Variants in NHSL2 observed in about 807,000 individuals in gnomAD.
NHSL2 encodes the protein NHS-like protein 2.
In NHSL2, 27 loss-of-function variants were observed where a neutral mutation model predicts 53.4. The observed-to-expected ratio is 0.51, with a 90% CI of 0.37 to 0.70. The LOEUF is 0.70. Among genes scored for constraint, NHSL2 ranks in the 30% least tolerant of loss-of-function variants. NHSL2 has a pLI of 0.00. For missense variants in NHSL2, 892 were observed against 980.1 expected, an observed-to-expected ratio of 0.91 and a Z score of 1.20; for synonymous variants, 408 against 404.1, an observed-to-expected ratio of 1.01 and a Z score of -0.12.
At chrX:71,996,076 C>T (rs944735194) in intron 1 of NHSL2, among the ~76,000 whole-genome samples, 1 of 112,327 alleles carries the variant, frequency 8.9e-6, no homozygotes, top group African/African-American at 3.2e-5. Context: ...CAAGTCCCTT[C>T]CCCTCACTGT....
At chrX:71,976,710 C>G (rs756176026) in intron 1 of NHSL2, among the ~76,000 whole-genome samples, 1 of 112,326 alleles carries the variant, frequency 8.9e-6, no homozygotes, top group Non-Finnish European at 1.9e-5. Flanking sequence ...CCCAAGGCCT[C>G]CCGACCTGGA....
chrX:72,152,029 C>G lies in NHSL2; in HGVS notation c.*8455C>G, dbSNP rs1042210582. The G allele has an allele frequency of 8.9e-6, 1 of 112,876 alleles. No homozygotes were observed. The highest frequency in any genetic ancestry group is 3.2e-5 in the African/African-American group (1 of 31,075). The allele number at this position is 112,876 out of a possible 1,213,427, so 9.3% of individuals were successfully genotyped here. A position where few individuals can be genotyped will look rare whatever the true frequency, so the allele number is the denominator to read the frequency against. On this transcript the variant is annotated 3_prime_UTR_variant, in exon 8 of 8. Transcript: ENST00000633930. ...ACAGTTTTTCCCTGCCTTCTGGACCCTCAGCCCCTGGGATGGGCTCCTTGG... is the reference window on the plus strand; with the variant it reads ...ACAGTTTTTCCCTGCCTTCTGGACCGTCAGCCCCTGGGATGGGCTCCTTGG...
At chrX:72,076,235 A>C (rs1426120264) in intron 1 of NHSL2, among the ~76,000 whole-genome samples, 1 of 111,522 alleles carries the variant, frequency 9.0e-6, no homozygotes, top group Non-Finnish European at 1.9e-5. Context: ...GCCCAGCCGA[A>C]CACAGTGTAT....
At chrX:72,028,843 T>C (rs1185612388) in intron 1 of NHSL2, among the ~76,000 whole-genome samples, 1 of 112,502 alleles carries the variant, frequency 8.9e-6, no homozygotes, top group African/African-American at 3.2e-5. Context: ...TTGGACATTG[T>C]CGGTAGAGCT....
Position 72,139,108 on chromosome X carries a change from G to A in NHSL2, c.1560G>A (p.Glu520=), listed in dbSNP as rs141830886. 3.4e-6 allele frequency: 4 copies of A among 1,168,975 alleles called. No individual in the cohort carries two copies. Among genetic ancestry groups the A allele is most frequent in the African/African-American group, 3.6e-5 (2 of 56,053 alleles). ...ATGATGAGGAGCAGAAGGCCAATGA[G>A]GCCTGTGCCCTGCCTTTTGCCAGTA... The part of the protein sequence containing the change: ...VDYDEEQKAN[E]ACALPFASTS... The change falls in exon 6 of 8, where the codon GAG becomes GAA. Residue 520 remains glutamate (E), a synonymous_variant. Transcript: ENST00000633930.
At chrX:72,130,480 C>T (rs774516982) in intron 1 of NHSL2, 2 of 1,210,964 alleles carry the variant, frequency 1.7e-6, no homozygotes, top group Non-Finnish European at 2.2e-6. Context: ...AAGCCTGTGC[C>T]TGCGTGCCTC....
chrX:72,139,333 C>A lies in NHSL2; in HGVS notation c.1785C>A (p.Asp595Glu). ...LPEGGSALPK[D>E]QRPKSLCLSL... ...AAGGTGGGTCAGCACTACCCAAGGA[C>A]CAGAGGCCCAAGAGCCTTTGCCTCT... is the stretch of plus-strand genomic sequence containing the variant. The change falls in exon 6 of 8, where the codon GAC becomes GAA. Residue 595 changes from aspartate to glutamate, a missense_variant. Physicochemically the swap from Asp to Glu is conservative, Grantham distance 45. Coordinates refer to ENST00000633930, the MANE Select transcript of NHSL2 (RefSeq NM_001013627.3). 1 of 1,209,776 alleles carries A rather than the reference C, an allele frequency of 8.3e-7. No individual in the cohort carries two copies. Among genetic ancestry groups the A allele is most frequent in the Non-Finnish European group, 1.1e-6 (1 of 894,119 alleles).
intron 1 of NHSL2, among the ~76,000 whole-genome samples, chrX:72,107,692 G>A (rs1352055142): frequency 8.9e-6 from 1 of 112,111 alleles, no homozygotes; most frequent in Non-Finnish European, 1.9e-5. Context: ...GAGGAAAAGC[G>A]AAGTTGGGAC....
chrX:72,050,812 C>G (rs182357286), intron 1 of NHSL2, among the ~76,000 whole-genome samples: 13 of 110,031 alleles, frequency 1.2e-4, no homozygotes, highest in African/African-American at 4.0e-4. Context: ...TTGCTTGAAC[C>G]CGGGAGGCAG....
chrX:72,117,772 A>G (rs1355862278), intron 1 of NHSL2, among the ~76,000 whole-genome samples: 1 of 111,563 alleles, frequency 9.0e-6, no homozygotes, highest in Non-Finnish European at 1.9e-5. Context: ...TCAGTACTTC[A>G]TTCCTTTCTG....
intron 2 of NHSL2, 93 bp from the exon 3 acceptor site, chrX:72,133,998 G>A: frequency 1.1e-6 from 1 of 917,995 alleles, no homozygotes; most frequent in Non-Finnish European, 1.5e-6. Flanking sequence ...AGGCCTGGCA[G>A]CTAGAGCAGG....
At chrX:72,032,330 G>A in intron 1 of NHSL2, among the ~76,000 whole-genome samples, 1 of 111,293 alleles carries the variant, frequency 9.0e-6, no homozygotes, top group Middle Eastern at 4.7e-3. Context: ...GGAGGCGGAG[G>A]TTGCAGTGAG....
intron 1 of NHSL2, chrX:72,128,585 C>G (rs1242818171): frequency 8.9e-6 from 1 of 112,850 alleles, no homozygotes; most frequent in African/African-American, 3.2e-5. Flanking sequence ...AGGCAGCCAC[C>G]CTCTTAAGCT....
chrX:72,143,182 A>AT, intron 7 of NHSL2, 71 bp from the exon 8 acceptor site: 1 of 754,956 alleles, frequency 1.3e-6, no homozygotes, highest in Non-Finnish European at 1.9e-6. Context: ...TGTCACAGGC[A>AT]TGGGGGTCTG....
At chrX:71,986,690 C>T (rs1473256582) in intron 1 of NHSL2, among the ~76,000 whole-genome samples, 3 of 112,041 alleles carry the variant, frequency 2.7e-5, no homozygotes, top group Non-Finnish European at 5.6e-5. Context: ...TCATAAACCT[C>T]TTATAACTCT....
intron 1 of NHSL2, among the ~76,000 whole-genome samples, chrX:71,935,420 C>T (rs971865408): frequency 4.4e-5 from 5 of 112,697 alleles, no homozygotes; most frequent in Non-Finnish European, 7.5e-5. Context: ...AAATGTGCTG[C>T]TGCACCATCC....
At chrX:72,028,373 G>A (rs1001183711) in intron 1 of NHSL2, among the ~76,000 whole-genome samples, 7 of 112,484 alleles carry the variant, frequency 6.2e-5, no homozygotes, top group African/African-American at 2.3e-4. Flanking sequence ...AGGAGAGCTC[G>A]AGATTTCTGT....
At chrX:72,120,369 T>A (rs2042173000) in intron 1 of NHSL2, among the ~76,000 whole-genome samples, 1 of 112,630 alleles carries the variant, frequency 8.9e-6, no homozygotes, top group South Asian at 3.6e-4. Flanking sequence ...TCAACCTCTT[T>A]GCTTGTTATT....
intron 1 of NHSL2, among the ~76,000 whole-genome samples, chrX:72,018,128 A>G (rs1488187008): frequency 8.9e-6 from 1 of 111,824 alleles, no homozygotes; most frequent in East Asian, 2.8e-4. Context: ...TAAAATGGTA[A>G]ATGTTTATTA....
Sources: allele counts gnomAD v4.1 joint callset (sites outside exome capture counted in the v4.1 genomes callset), GRCh38; gene constraint gnomAD v4.1.1; transcripts MANE v1.5; gene names NCBI Gene and HGNC (gene_info 2026-07-23, HGNC 2026-07-21).